The following ZNF423 variants were observed in gnomAD, a reference collection of about 807,000 sequenced individuals.
ZNF423 encodes the protein Ebf-associated zinc finger protein.
In ZNF423, 12 loss-of-function variants were observed where a neutral mutation model predicts 95.8. That is an observed-to-expected ratio of 0.13 (90% CI 0.08 to 0.20). The LOEUF is 0.20. Ranked by LOEUF, ZNF423 falls within the 10% of genes least tolerant of loss-of-function variation. The pLI is 1.00. For missense variants in ZNF423, 1,316 were observed against 1,737.1 expected, an observed-to-expected ratio of 0.76 and a Z score of 4.31; for synonymous variants, 749 against 711.9, an observed-to-expected ratio of 1.05 and a Z score of -0.83.
chr16:49,663,519 G>T (rs1458702841), intron 3 of ZNF423, among the ~76,000 whole-genome samples: 4 of 151,044 alleles, frequency 2.6e-5, no homozygotes, highest in Non-Finnish European at 4.5e-5. Context: ...CCAGTGCCCG[G>T]GATGGGATGG....
chr16:49,699,285 T>C (rs1399121138), intron 3 of ZNF423, among the ~76,000 whole-genome samples: 1 of 152,030 alleles, frequency 6.6e-6, no homozygotes, highest in Admixed American at 6.6e-5. Flanking sequence ...GTAACTCTAA[T>C]AAAGGAAAGG....
chr16:49,799,963 T>C (rs1164313659), intron 1 of ZNF423, among the ~76,000 whole-genome samples: 1 of 152,168 alleles, frequency 6.6e-6, no homozygotes, highest in Admixed American at 6.5e-5. Context: ...TTAATTGTTA[T>C]ATTTTTCTGG....
intron 3 of ZNF423, among the ~76,000 whole-genome samples, chr16:49,660,605 C>T (rs1336691235): frequency 6.6e-6 from 1 of 152,184 alleles, no homozygotes; most frequent in Non-Finnish European, 1.5e-5. Flanking sequence ...ACCAAGGTCC[C>T]TCGGGCCCCC....
At chr16:49,528,748 C>T (rs947509821) in intron 5 of ZNF423, among the ~76,000 whole-genome samples, 3 of 151,908 alleles carry the variant, frequency 2.0e-5, no homozygotes, top group African/African-American at 7.3e-5. Context: ...GCCTATGAAA[C>T]CATCCAGGAA....
intron 3 of ZNF423, among the ~76,000 whole-genome samples, chr16:49,646,800 C>G (rs1179907676): frequency 6.6e-6 from 1 of 152,032 alleles, no homozygotes; most frequent in Non-Finnish European, 1.5e-5. Flanking sequence ...TCTTGAACTC[C>G]TGACCTTGCG....
At chr16:49,771,504 C>T (rs2143711957) in intron 2 of ZNF423, among the ~76,000 whole-genome samples, 1 of 152,270 alleles carries the variant, frequency 6.6e-6, no homozygotes, top group East Asian at 1.9e-4. Flanking sequence ...CAAGTACAGC[C>T]TCATCTTGAA....
intron 1 of ZNF423, among the ~76,000 whole-genome samples, chr16:49,833,217 G>A (rs538328582): frequency 1.2e-4 from 18 of 152,310 alleles, no homozygotes; most frequent in African/African-American, 3.4e-4. Context: ...CAGGACTCCA[G>A]CCAGGGGAAC....
chr16:49,791,241 C>A (rs1256572472), intron 1 of ZNF423, among the ~76,000 whole-genome samples: 1 of 152,188 alleles, frequency 6.6e-6, no homozygotes, highest in East Asian at 1.9e-4. Context: ...TATTGTTTTA[C>A]TTAGCTAGTT....
rs1969971187 is a variant in ZNF423, at chr16:49,560,220, C to T, written c.3602-34726G>A. Among the ~76,000 whole-genome samples, 3 of 152,204 alleles carry T rather than the reference C, an allele frequency of 2.0e-5. No individual in the cohort carries two copies. The South Asian group carries it at 6.2e-4, about 32-fold the overall frequency. Reference sequence around the variant, plus strand: ...CAGTGAGCCTGCTCCTTCCCACCCCCAGAGTCCCCAAATAGGCAGGAGCTC... The same window carrying T: ...CAGTGAGCCTGCTCCTTCCCACCCCTAGAGTCCCCAAATAGGCAGGAGCTC... On this transcript the variant is annotated intron_variant, in intron 5 of 7. Transcript: ENST00000563137.
chr16:49,808,838 T>A (rs1380028139), intron 1 of ZNF423, among the ~76,000 whole-genome samples: 2 of 152,176 alleles, frequency 1.3e-5, no homozygotes, highest in Non-Finnish European at 2.9e-5. Context: ...GCCCAGGGAC[T>A]CCAGCTGTGC....
At position 49,855,768 on chromosome 16, in the gene ZNF423, T is replaced by G. The variant is rs1340054301; in HGVS notation, c.7A>C (p.Arg3=). MS[R]RKQAKPRSVK... ...GAGCGCGGCTTCGCCTGCTTCCGCC[T>G]GGACATGTCCGGGGCTCCGGGCGCT... Residue 3 remains arginine (R), a synonymous_variant, in exon 1 of 8, where the codon AGG becomes CGG. Transcript: ENST00000563137. This position sits in a 1 kb window ranked among gnomAD's most constrained non-coding sequence, Gnocchi z 4.7. 6.6e-6 allele frequency: 1 copy of G among 150,864 alleles called. No homozygotes were observed. The highest frequency in any genetic ancestry group is 2.5e-5 in the African/African-American group (1 of 40,586). 9.3% of individuals were successfully genotyped at this position (150,864 alleles called of 1,614,324 possible). A position where few individuals can be genotyped will look rare whatever the true frequency, so the allele number is the denominator to read the frequency against.
chr16:49,597,009 C>A (rs1477585197), intron 5 of ZNF423, among the ~76,000 whole-genome samples: 1 of 152,224 alleles, frequency 6.6e-6, no homozygotes, highest in Non-Finnish European at 1.5e-5. Flanking sequence ...GGGCTTCGGG[C>A]TCCATCCAAC....
intron 3 of ZNF423, among the ~76,000 whole-genome samples, chr16:49,694,970 C>A (rs1246842099): frequency 3.9e-5 from 6 of 152,326 alleles, no homozygotes; most frequent in South Asian, 4.1e-4. Flanking sequence ...AGAGTGTGGT[C>A]CTCAGAGGCA....
Position 49,636,429 on chromosome 16 carries a change from T to C in ZNF423, c.2747A>G (p.Asp916Gly). ...EVLLQNHRLR[D>G]HNIRPGEDDG... ...ATCCTCGCCCGGCCGGATATTGTGG[T>C]CCCGCAGCCGGTGATTCTGCAGCAG... is the stretch of plus-strand genomic sequence containing the variant. The change falls in exon 4 of 8, where the codon GAC becomes GGC. Residue 916 changes from aspartate to glycine, a missense_variant. Asp to Gly is a moderately conservative substitution (Grantham distance 94). This residue lies in a region of ZNF423 where 620 missense variants were observed against 775.6 expected (regional missense o/e 0.80). Transcript: ENST00000563137. This position sits in a 1 kb window ranked among gnomAD's most constrained non-coding sequence, Gnocchi z 8.6. The C allele has an allele frequency of 1.2e-6, 2 of 1,613,382 alleles. No homozygotes were observed. Among genetic ancestry groups the C allele is most frequent in the Non-Finnish European group, 1.7e-6 (2 of 1,180,022 alleles).
intron 5 of ZNF423, among the ~76,000 whole-genome samples, chr16:49,592,689 T>C (rs1445930227): frequency 6.6e-6 from 1 of 152,152 alleles, no homozygotes; most frequent in Non-Finnish European, 1.5e-5. Context: ...AACCAGAGAA[T>C]AGTTACACAA....
intron 7 of ZNF423, among the ~76,000 whole-genome samples, chr16:49,502,712 G>A (rs1483601866): frequency 2.0e-5 from 3 of 151,898 alleles, no homozygotes; most frequent in Non-Finnish European, 4.4e-5. Context: ...GGGTGCTTAC[G>A]AAAGCAGCCT....
chr16:49,626,302 A>G (rs1380321819), intron 4 of ZNF423, 48 bp from the exon 5 acceptor site: 2 of 1,597,746 alleles, frequency 1.3e-6, no homozygotes, highest in Non-Finnish European at 1.7e-6. Flanking sequence ...GGAGGTAGGA[A>G]AAAGGAGAAA....
At chr16:49,798,263 T>A (rs984969074) in intron 1 of ZNF423, among the ~76,000 whole-genome samples, 1 of 151,910 alleles carries the variant, frequency 6.6e-6, no homozygotes, top group Admixed American at 6.6e-5. Flanking sequence ...ATCCCAACAC[T>A]TATGGAGGCT....
chr16:49,557,228 G>A (rs772206014), intron 5 of ZNF423, among the ~76,000 whole-genome samples: 6 of 152,212 alleles, frequency 3.9e-5, no homozygotes, highest in Non-Finnish European at 8.8e-5. Flanking sequence ...TTCCTAGGGC[G>A]CGAGCAGCTC....
Sources: gnomAD v4.1 joint callset for allele counts (sites outside exome capture counted in the v4.1 genomes callset) on GRCh38, gnomAD v4.1.1 for gene constraint, gnomAD v4.1.1 regional missense constraint, Gnocchi (gnomAD v3.1) non-coding constraint, MANE v1.5 for transcripts, NCBI Gene and HGNC (gene_info 2026-07-23, HGNC 2026-07-21) for gene names.